The following CELSR1 variants were observed in gnomAD, a reference collection of about 807,000 sequenced individuals.
CELSR1 encodes cadherin EGF LAG seven-pass G-type receptor 1.
A neutral mutation model predicts 249.1 loss-of-function variants in CELSR1; 110 were observed. The ratio of observed to expected loss-of-function variants is 0.44; its 90% confidence interval spans 0.38 to 0.52. The LOEUF (loss-of-function observed/expected upper bound fraction) is 0.52, where lower values mean the gene tolerates loss of function less well. Ranked by LOEUF, CELSR1 falls within the 20% of genes least tolerant of loss-of-function variation. The pLI is 0.00. For missense variants in CELSR1, 4,109 were observed against 4,296.4 expected (o/e 0.96, Z 1.22); for synonymous variants, 2,113 against 1,900.0 (o/e 1.11, Z -2.92).
At chr22:46,458,198 G>A (rs2079979483) in intron 2 of CELSR1, among the ~76,000 whole-genome samples, 1 of 151,906 alleles carries the variant, frequency 6.6e-6, no homozygotes. Flanking sequence ...AGAGGCCAGT[G>A]TGTGTCCCGA....
chr22:46,370,046 C>G (rs943531506), intron 25 of CELSR1: 1 of 600,182 alleles, frequency 1.7e-6, no homozygotes, highest in African/African-American at 1.8e-5. Context: ...AGGCAGGGGG[C>G]GTATCTGGGC....
rs904444084 is a variant in CELSR1, at chr22:46,363,690, C to T, written c.9035+306G>A. ...CAAGGTGGGTGGCAGTGGTCCCAGGCGGAGACAATGCTGATCAAACGCAGA... is the reference window on the plus strand; with the variant it reads ...CAAGGTGGGTGGCAGTGGTCCCAGGTGGAGACAATGCTGATCAAACGCAGA... On this transcript the variant is annotated intron_variant, in intron 34 of 34. Coordinates refer to ENST00000674500, the MANE Select transcript of CELSR1 (RefSeq NM_001378328.1). The surrounding 1 kb of genome is among the most constrained non-coding windows in gnomAD (Gnocchi z 4.3). 3.2e-5 allele frequency: 14 copies of T among 436,284 alleles called. No individual in the cohort carries two copies. Among genetic ancestry groups the T allele is most frequent in the Non-Finnish European group, 4.9e-5 (12 of 245,078 alleles). The allele number at this position is 436,284 out of a possible 1,614,324, so 27.0% of individuals were successfully genotyped here.
At chr22:46,367,969 CGTCCACCT>C (rs2078806578) in intron 27 of CELSR1, 114 bp from the exon 28 acceptor site, 15 of 1,380,488 alleles carry the variant, frequency 1.1e-5, no homozygotes, top group Non-Finnish European at 1.5e-5. Context: ...TCTATCTGTC[CGTCCACCT>C]GTCCACCCAG....
chr22:46,419,712 ACACT>A (rs1379392289), intron 5 of CELSR1, among the ~76,000 whole-genome samples: 1 of 151,954 alleles, frequency 6.6e-6, no homozygotes, highest in African/African-American at 2.4e-5. Context: ...TCGCCCACTC[ACACT>A]CACGTGTGTA....
chr22:46,529,161 G>A (rs900387662), intron 1 of CELSR1, among the ~76,000 whole-genome samples: 3 of 151,388 alleles, frequency 2.0e-5, no homozygotes, highest in African/African-American at 7.3e-5. Context: ...AGCTACTCAG[G>A]AGGCTGAGGC....
chr22:46,397,041 A>C (rs576597215), intron 12 of CELSR1, among the ~76,000 whole-genome samples: 150 of 152,236 alleles, frequency 9.9e-4, no homozygotes, highest in Admixed American at 2.2e-3. Context: ...TGACTTAAGC[A>C]CCTCAAAACT....
Position 46,534,155 on chromosome 22 carries a change from G to T in CELSR1, c.3016C>A (p.Leu1006Met). ...ACTGGGTTGTTCTCCTCAACAAACA[G>T]CTCCAGTTCGTCCTTCTCAAACATG... ...APMFEKDELE[L>M]FVEENNPVGS... The change falls in exon 1 of 35, where the codon CTG becomes ATG. Residue 1006 changes from leucine to methionine, a missense_variant. Leu to Met is a conservative substitution (Grantham distance 15). Around this residue, in one of 7 missense-constraint regions of CELSR1, gnomAD observed 886 missense variants for 896.5 expected, o/e 0.99. Coordinates refer to ENST00000674500, the MANE Select transcript of CELSR1 (RefSeq NM_001378328.1). This position sits in a 1 kb window ranked among gnomAD's most constrained non-coding sequence, Gnocchi z 9.7. 6.2e-7 allele frequency: 1 copy of T among 1,613,858 alleles called. No individual in the cohort carries two copies. Among genetic ancestry groups the T allele is most frequent in the Non-Finnish European group, 8.5e-7 (1 of 1,180,046 alleles).
chr22:46,408,943 C>T lies in CELSR1; in HGVS notation c.5226+53G>A, dbSNP rs916166221. ...ACCAGGAAGCCCAGCGCCTGGGTCC[C>T]TCCCTCGGGCACCCACCTAGCAGGT... On this transcript the variant is annotated intron_variant, in intron 9 of 34. Coordinates refer to ENST00000674500, the MANE Select transcript of CELSR1 (RefSeq NM_001378328.1). The surrounding 1 kb of genome is among the most constrained non-coding windows in gnomAD (Gnocchi z 4.6). 43 of 1,478,332 alleles carry T rather than the reference C, an allele frequency of 2.9e-5. No individual in the cohort carries two copies. The highest frequency in any genetic ancestry group is 3.4e-5 in the Non-Finnish European group (38 of 1,105,914). The allele number at this position is 1,478,332 out of a possible 1,614,324, so 91.6% of individuals were successfully genotyped here.
intron 1 of CELSR1, among the ~76,000 whole-genome samples, chr22:46,466,169 G>A (rs1308838713): frequency 1.3e-5 from 2 of 152,154 alleles, no homozygotes; most frequent in African/African-American, 2.4e-5. Context: ...AAGAAGAGGT[G>A]GGGAAAACAA....
chr22:46,447,404 C>T lies in CELSR1; in HGVS notation c.4184-7993G>A, dbSNP rs976214252. ...AAATAAATTTGATGTTCTCCTTACACCCTAGGATTCTGCTTGGAGTCAAAG... is the reference window on the plus strand; with the variant it reads ...AAATAAATTTGATGTTCTCCTTACATCCTAGGATTCTGCTTGGAGTCAAAG... On this transcript the variant is annotated intron_variant, in intron 2 of 34. Transcript: ENST00000674500. The surrounding 1 kb of genome is among the most constrained non-coding windows in gnomAD (Gnocchi z 4.7). 3.9e-5 allele frequency among the ~76,000 whole-genome samples: 6 copies of T among 152,118 alleles called. No homozygotes were observed. The highest frequency in any genetic ancestry group is 2.1e-4 in the South Asian group (1 of 4,826).
Position 46,441,611 on chromosome 22 carries a change from C to T in CELSR1, c.4184-2200G>A, listed in dbSNP as rs73177083. Among the ~76,000 whole-genome samples, 16,622 of 152,102 alleles carry T rather than the reference C, an allele frequency of 0.11. 966 individuals carry two copies. The highest frequency in any genetic ancestry group is 0.21 in the Admixed American group (3,183 of 15,260). ...GAGGTCTGTCTTTCTAGCTAGCAGACGGTGCCTTCTTGCCGCATAAGGGAG... is the reference window on the plus strand; with the variant it reads ...GAGGTCTGTCTTTCTAGCTAGCAGATGGTGCCTTCTTGCCGCATAAGGGAG... On this transcript the variant is annotated intron_variant, in intron 2 of 34. Transcript: ENST00000674500. The surrounding 1 kb of genome is among the most constrained non-coding windows in gnomAD (Gnocchi z 6.1).
intron 27 of CELSR1, 92 bp downstream of exon 27, chr22:46,369,087 C>G: frequency 8.4e-7 from 1 of 1,195,002 alleles, no homozygotes; most frequent in Non-Finnish European, 1.2e-6. Flanking sequence ...GAGGCCTACA[C>G]GCTCTCATGG....
At chr22:46,470,540 G>A (rs952921754) in intron 1 of CELSR1, among the ~76,000 whole-genome samples, 3 of 152,088 alleles carry the variant, frequency 2.0e-5, no homozygotes, top group Admixed American at 6.6e-5. Context: ...AAATATTAAC[G>A]ACTGTGAAGT....
chr22:46,463,284 G>C (rs1330508621), intron 2 of CELSR1, among the ~76,000 whole-genome samples: 1 of 152,196 alleles, frequency 6.6e-6, no homozygotes, highest in Non-Finnish European at 1.5e-5. Context: ...GGGAGGCTGA[G>C]GCGGGTGGAT....
At position 46,391,896 on chromosome 22, in the gene CELSR1, T is replaced by C. The variant is rs2079097062; in HGVS notation, c.5965-80A>G. 1 of 1,437,452 alleles carries C rather than the reference T, an allele frequency of 7.0e-7. No individual in the cohort carries two copies. The highest frequency in any genetic ancestry group is 9.4e-7 in the Non-Finnish European group (1 of 1,063,084). 89.0% of individuals were successfully genotyped at this position (1,437,452 alleles called of 1,614,324 possible). A position where few individuals can be genotyped will look rare whatever the true frequency, so the allele number is the denominator to read the frequency against. On this transcript the variant is annotated intron_variant, in intron 14 of 34. Coordinates refer to ENST00000674500, the MANE Select transcript of CELSR1 (RefSeq NM_001378328.1). This position sits in a 1 kb window ranked among gnomAD's most constrained non-coding sequence, Gnocchi z 4.3. The stretch of plus-strand genomic sequence containing the variant: ...CTTGCAGCGTGTTTCCCGAGCGACG[T>C]CCAGACTCCCACCCGGGTGTGTGTG...
intron 1 of CELSR1, among the ~76,000 whole-genome samples, chr22:46,499,153 C>A (rs1401389770): frequency 6.7e-6 from 1 of 149,424 alleles, no homozygotes; most frequent in Non-Finnish European, 1.5e-5. Flanking sequence ...GCACTCCAGC[C>A]TGGGCGATAG....
In CELSR1 at chr22:46,473,272, C is replaced by T. The variant is rs2080174408; in HGVS notation, c.3545-8927G>A. Among the ~76,000 whole-genome samples the T allele has an allele frequency of 6.6e-6, 1 of 152,058 alleles. No homozygotes were observed. The highest frequency in any genetic ancestry group is 2.4e-5 in the African/African-American group (1 of 41,382). The stretch of plus-strand genomic sequence containing the variant: ...TGGTAAGGTGACTCGGGCTGAGTGG[C>T]GGGGCCCAGATTAACCTGAGGCCAA... On this transcript the variant is annotated intron_variant, in intron 1 of 34. Transcript: ENST00000674500. The surrounding 1 kb of genome is among the most constrained non-coding windows in gnomAD (Gnocchi z 6.6).
intron 5 of CELSR1, among the ~76,000 whole-genome samples, chr22:46,420,984 G>A (rs6008818): frequency 0.12 from 17,887 of 152,124 alleles, 1,882 homozygotes; most frequent in African/African-American, 0.29. Flanking sequence ...CCAGAGCAGC[G>A]GATACACGGG....
At chr22:46,531,300 G>T (rs1169533319) in intron 1 of CELSR1, among the ~76,000 whole-genome samples, 2 of 152,068 alleles carry the variant, frequency 1.3e-5, no homozygotes, top group African/African-American at 4.8e-5. Context: ...CCGCCTCCCA[G>T]ATTCAAGCAA....
Sources: allele counts gnomAD v4.1 joint callset (sites outside exome capture counted in the v4.1 genomes callset), GRCh38; gene constraint gnomAD v4.1.1; regional missense constraint gnomAD v4.1.1; non-coding constraint Gnocchi (gnomAD v3.1); transcripts MANE v1.5; gene names NCBI Gene and HGNC (gene_info 2026-07-23, HGNC 2026-07-21).